COL4A1: variants seen among roughly 807,000 people sequenced by gnomAD.
COL4A1 encodes the protein collagen alpha-1(IV) chain.
In COL4A1, 40 loss-of-function variants were observed where a neutral mutation model predicts 216.6. That is an observed-to-expected ratio of 0.18 (90% CI 0.14 to 0.24). The LOEUF (loss-of-function observed/expected upper bound fraction) is 0.24, where lower values mean the gene tolerates loss of function less well. Among genes scored for constraint, COL4A1 ranks in the 10% least tolerant of loss-of-function variants. The pLI, the probability that COL4A1 is intolerant of heterozygous loss-of-function variation, is 1.00. For missense variants in COL4A1, 1,628 were observed against 2,196.8 expected (o/e 0.74, Z 5.18); for synonymous variants, 839 against 810.7 (o/e 1.03, Z -0.59).
chr13:110,224,331 A>T (rs1009713970), intron 2 of COL4A1, among the ~76,000 whole-genome samples: 1 of 152,150 alleles, frequency 6.6e-6, no homozygotes, highest in Non-Finnish European at 1.5e-5. Context: ...AAAAAAATAT[A>T]TATGTTTTTG....
intron 1 of COL4A1, among the ~76,000 whole-genome samples, chr13:110,302,781 CTA>C (rs1364533808): frequency 5.3e-5 from 8 of 152,164 alleles, no homozygotes; most frequent in African/African-American, 9.7e-5. Context: ...TTGTATTGTT[CTA>C]TAGTTGACAT....
chr13:110,259,317 T>C (rs745943036), intron 1 of COL4A1, among the ~76,000 whole-genome samples: 1 of 152,256 alleles, frequency 6.6e-6, no homozygotes, highest in Non-Finnish European at 1.5e-5. Context: ...ACTAATTGCA[T>C]GATTCACTCT....
At chr13:110,306,300 A>G (rs534432069) in intron 1 of COL4A1, among the ~76,000 whole-genome samples, 22 of 152,354 alleles carry the variant, frequency 1.4e-4, no homozygotes, top group Admixed American at 6.5e-4. Flanking sequence ...TAAAATATAT[A>G]TTAATAGAAG....
At chr13:110,289,150 T>C (rs1010571460) in intron 1 of COL4A1, among the ~76,000 whole-genome samples, 2 of 152,168 alleles carry the variant, frequency 1.3e-5, no homozygotes, top group African/African-American at 2.4e-5. Flanking sequence ...CCAGATCTCC[T>C]CATTTTGGCG....
chr13:110,241,701 A>G (rs76808297), intron 2 of COL4A1, among the ~76,000 whole-genome samples: 4,048 of 152,320 alleles, frequency 0.027, 154 homozygotes, highest in African/African-American at 0.086. Context: ...TATCAGGCAT[A>G]TTTTTTAAAA....
intron 22 of COL4A1, among the ~76,000 whole-genome samples, 173 bp from the exon 23 acceptor site, chr13:110,193,086 A>T (rs1878717795): frequency 6.6e-6 from 1 of 152,228 alleles, no homozygotes; most frequent in Non-Finnish European, 1.5e-5. Flanking sequence ...TGGAAACTGC[A>T]GTCAAACGCA....
At chr13:110,299,120 A>G (rs1005369509) in intron 1 of COL4A1, among the ~76,000 whole-genome samples, 12 of 152,202 alleles carry the variant, frequency 7.9e-5, no homozygotes, top group African/African-American at 2.7e-4. Flanking sequence ...GACAAAGAGA[A>G]CGGGGAGGGC....
At chr13:110,270,177 G>C (rs1883195002) in intron 1 of COL4A1, among the ~76,000 whole-genome samples, 1 of 152,176 alleles carries the variant, frequency 6.6e-6, no homozygotes, top group South Asian at 2.1e-4. Context: ...CTTCTTCAGA[G>C]AAATAACAGG....
intron 39 of COL4A1, 55 bp downstream of exon 39, chr13:110,174,391 C>T: frequency 6.3e-7 from 1 of 1,597,184 alleles, no homozygotes; most frequent in Non-Finnish European, 8.6e-7. Context: ...GGCCTCCCAT[C>T]CCCTGGCCAC....
At chr13:110,221,625 C>A (rs1880481647) in intron 2 of COL4A1, among the ~76,000 whole-genome samples, 1 of 152,194 alleles carries the variant, frequency 6.6e-6, no homozygotes, top group East Asian at 1.9e-4. Context: ...TGGAGACTCA[C>A]TCATGGAAGC....
intron 1 of COL4A1, among the ~76,000 whole-genome samples, chr13:110,250,800 G>C (rs983072048): frequency 6.6e-6 from 1 of 152,174 alleles, no homozygotes; most frequent in African/African-American, 2.4e-5. Context: ...TAGCACAGTG[G>C]GGCAAGGCCA....
Position 110,161,916 on chromosome 13 carries a change from C to A in COL4A1, c.4462+314G>T, listed in dbSNP as rs529145011. The A allele has an allele frequency of 4.0e-5, 17 of 422,116 alleles. No homozygotes were observed. In the South Asian group the frequency reaches 4.3e-4, roughly 11 times the overall value. The allele number at this position is 422,116 out of a possible 1,614,324, so 26.1% of individuals were successfully genotyped here. A position where few individuals can be genotyped will look rare whatever the true frequency, so the allele number is the denominator to read the frequency against. On this transcript the variant is annotated intron_variant, in intron 48 of 51. Coordinates refer to ENST00000375820, the MANE Select transcript of COL4A1 (RefSeq NM_001845.6). ...CCGCATCAATGCAAATTGTTAAGTG[C>A]ACTCCAGGAATCTTGATCCTACTTG...
chr13:110,282,473 G>A (rs562762704), intron 1 of COL4A1, among the ~76,000 whole-genome samples: 66 of 152,110 alleles, frequency 4.3e-4, no homozygotes, highest in Admixed American at 7.9e-4. Context: ...CTGCATCCAC[G>A]CAAGTCACCC....
chr13:110,230,937 G>C lies in COL4A1; in HGVS notation c.144+11738C>G, dbSNP rs371473568. On this transcript the variant is annotated intron_variant, in intron 2 of 51. Transcript: ENST00000375820. Reference sequence around the variant, plus strand: ...CCAGGGCCTCTACATTCAGATTCAGGGCAGGGCACCCAGCCCCTCCTCCCA... The same window carrying C: ...CCAGGGCCTCTACATTCAGATTCAGCGCAGGGCACCCAGCCCCTCCTCCCA... Among the ~76,000 whole-genome samples the C allele has an allele frequency of 5.9e-5, 9 of 152,278 alleles. No homozygotes were observed. In the East Asian group the frequency reaches 1.4e-3, roughly 23 times the overall value.
At chr13:110,271,829 C>T (rs1883255781) in intron 1 of COL4A1, among the ~76,000 whole-genome samples, 2 of 152,144 alleles carry the variant, frequency 1.3e-5, no homozygotes, top group African/African-American at 4.8e-5. Flanking sequence ...TTTTGTAAGA[C>T]ATTAACATTT....
intron 1 of COL4A1, 77 bp downstream of exon 1, chr13:110,306,867 A>C: frequency 3.0e-6 from 4 of 1,329,980 alleles, no homozygotes; most frequent in Non-Finnish European, 3.9e-6. Context: ...GGACGGGTCC[A>C]GGCGCGGACA....
intron 2 of COL4A1, among the ~76,000 whole-genome samples, chr13:110,219,432 T>G (rs1001986789): frequency 6.6e-6 from 1 of 152,068 alleles, no homozygotes; most frequent in African/African-American, 2.4e-5. Context: ...AAACCAATCA[T>G]GCATAAAAAG....
At chr13:110,306,879 A>G in intron 1 of COL4A1, 65 bp downstream of exon 1, 2 of 1,381,224 alleles carry the variant, frequency 1.4e-6, no homozygotes, top group South Asian at 3.1e-5. Context: ...GCGCGGACAA[A>G]GGGGCCTCTC....
intron 1 of COL4A1, among the ~76,000 whole-genome samples, chr13:110,282,113 C>T (rs558330467): frequency 6.6e-5 from 10 of 152,336 alleles, no homozygotes; most frequent in African/African-American, 2.4e-4. Context: ...GTGTATAAAA[C>T]TTTTACAATT....
Sources: allele counts gnomAD v4.1 joint callset (sites outside exome capture counted in the v4.1 genomes callset), GRCh38; gene constraint gnomAD v4.1.1; transcripts MANE v1.5; gene names NCBI Gene and HGNC (gene_info 2026-07-23, HGNC 2026-07-21).